The following LARP1 variants were observed in gnomAD, a reference collection of about 807,000 sequenced individuals.
LARP1 encodes the protein la-related protein 1.
In LARP1, 36 loss-of-function variants were observed where a neutral mutation model predicts 122.7. The ratio of observed to expected loss-of-function variants is 0.29; its 90% CI spans 0.22 to 0.39. The LOEUF (loss-of-function observed/expected upper bound fraction) is 0.39. LARP1 is among the 10% of genes least tolerant of loss of function. The pLI is 1.00. For missense variants in LARP1, 1,040 were observed against 1,403.6 expected, an observed-to-expected ratio of 0.74 and a Z score of 4.14; for synonymous variants, 539 against 528.7, an observed-to-expected ratio of 1.02 and a Z score of -0.27.
Position 154,811,236 on chromosome 5 carries a change from G to C in LARP1, c.2844-11G>C, listed in dbSNP as rs1759248486. On this transcript the variant is annotated splice_polypyrimidine_tract_variant and intron_variant, in intron 16 of 18. Transcript: ENST00000518297. Reference sequence around the variant, plus strand: ...GAAACTGCCCTGATTTCACTGACTTGTGTTCTACAGATATGGTTTGGAGTG... The same window carrying C: ...GAAACTGCCCTGATTTCACTGACTTCTGTTCTACAGATATGGTTTGGAGTG... The C allele has an allele frequency of 6.2e-7, 1 of 1,607,710 alleles. No individual in the cohort carries two copies. The highest frequency in any genetic ancestry group is 8.5e-7 in the Non-Finnish European group (1 of 1,174,374).
upstream of LARP1, among the ~76,000 whole-genome samples, chr5:154,709,944 AC>A: frequency 6.6e-6 from 1 of 152,110 alleles, no homozygotes; most frequent in East Asian, 1.9e-4. Context: ...CCTCAATTCT[AC>A]CCCAGATCAT....
chr5:154,784,298 C>A (rs1359009646), intron 1 of LARP1, among the ~76,000 whole-genome samples: 1 of 152,182 alleles, frequency 6.6e-6, no homozygotes, highest in Non-Finnish European at 1.5e-5. Flanking sequence ...GCCCATTTAA[C>A]ATTTACAATA....
intron 1 of LARP1, among the ~76,000 whole-genome samples, chr5:154,691,166 G>A (rs1754182545): frequency 6.6e-6 from 1 of 151,402 alleles, no homozygotes; most frequent in African/African-American, 2.4e-5. Flanking sequence ...GGAGGCTGAG[G>A]CAGGAGAATG....
chr5:154,717,271 T>C (rs938069207), intron 1 of LARP1, among the ~76,000 whole-genome samples: 1 of 152,102 alleles, frequency 6.6e-6, no homozygotes, highest in African/African-American at 2.4e-5. Context: ...TTCCCTACTA[T>C]TCTACCCAGC....
chr5:154,803,542 C>T lies in LARP1; in HGVS notation c.2236C>T (p.Pro746Ser). The T allele has an allele frequency of 6.2e-7, 1 of 1,614,170 alleles. No homozygotes were observed. The highest frequency in any genetic ancestry group is 8.5e-7 in the Non-Finnish European group (1 of 1,180,032). ...GACTCCTCTCTCTGCCTCTGCAGTT[C>T]CTACGGATGCCCTGGCCAACAAGTT... ...PPGPPRFQQV[P>S]TDALANKLFG... Residue 746 changes from proline (P) to serine (S), a missense_variant and splice_region_variant, in exon 13 of 19, where the codon CCT (proline) becomes TCT (serine). Physicochemically the swap from Pro to Ser is moderately conservative, Grantham distance 74. Transcript: ENST00000518297. The surrounding 1 kb of genome is among the most constrained non-coding windows in gnomAD (Gnocchi z 4.4).
intron 1 of LARP1, among the ~76,000 whole-genome samples, chr5:154,716,592 G>A (rs1003655671): frequency 6.6e-6 from 1 of 151,950 alleles, no homozygotes; most frequent in African/African-American, 2.4e-5. Flanking sequence ...GGGATTACAA[G>A]CATGCACCAC....
chr5:154,812,361 T>A (rs1759344134), intron 18 of LARP1, among the ~76,000 whole-genome samples: 1 of 152,156 alleles, frequency 6.6e-6, no homozygotes, highest in South Asian at 2.1e-4. Flanking sequence ...GGGTAATTTA[T>A]AAAGGAAAGA....
intron 1 of LARP1, among the ~76,000 whole-genome samples, chr5:154,694,831 T>G (rs1290511956): frequency 6.6e-6 from 1 of 152,062 alleles, no homozygotes; most frequent in Non-Finnish European, 1.5e-5. Context: ...TGTATAGGTA[T>G]TTGGTTTATT....
At chr5:154,804,458 C>T in intron 14 of LARP1, 151 bp downstream of exon 14, 1 of 648,814 alleles carries the variant, frequency 1.5e-6, no homozygotes, top group Non-Finnish European at 2.7e-6. Context: ...GAAAGCTCAG[C>T]CCAGGACCTG....
intron 15 of LARP1, among the ~76,000 whole-genome samples, chr5:154,807,633 C>T (rs1758891602): frequency 1.3e-5 from 2 of 152,192 alleles, no homozygotes; most frequent in African/African-American, 2.4e-5. Context: ...CCACTGCAGT[C>T]TCGAACTATT....
chr5:154,753,308 T>C (rs975991869), upstream of LARP1, among the ~76,000 whole-genome samples: 3 of 152,170 alleles, frequency 2.0e-5, no homozygotes, highest in African/African-American at 4.8e-5. Flanking sequence ...AAGCTGTGCA[T>C]GGTGGCACGT....
At chr5:154,734,614 C>T (rs1453959452) in intron 1 of LARP1, among the ~76,000 whole-genome samples, 2 of 151,702 alleles carry the variant, frequency 1.3e-5, no homozygotes, top group Admixed American at 1.3e-4. Flanking sequence ...GTAAAGGGGG[C>T]GTATACAGGC....
intron 1 of LARP1, among the ~76,000 whole-genome samples, chr5:154,764,392 G>A (rs895972604): frequency 2.0e-5 from 3 of 149,290 alleles, no homozygotes; most frequent in East Asian, 2.0e-4. Context: ...TCACTTGAGC[G>A]CAGGAGTTCA....
At chr5:154,698,186 C>T (rs1754556343) in intron 1 of LARP1, among the ~76,000 whole-genome samples, 4 of 152,186 alleles carry the variant, frequency 2.6e-5, no homozygotes, top group Non-Finnish European at 5.9e-5. Flanking sequence ...TATTTCAATA[C>T]ATATATACAA....
At chr5:154,792,039 T>C (rs539567311) in intron 3 of LARP1, 49 of 449,492 alleles carry the variant, frequency 1.1e-4, no homozygotes, top group African/African-American at 9.2e-4. Context: ...CCCCAGCCTG[T>C]GTTCTCCATC....
chr5:154,797,524 C>T (rs1252225254), intron 8 of LARP1, among the ~76,000 whole-genome samples: 4 of 151,876 alleles, frequency 2.6e-5, no homozygotes, highest in East Asian at 1.9e-4. Context: ...TGAGCTACCG[C>T]GCCCGGCCTG....
chr5:154,801,993 C>A lies in LARP1; in HGVS notation c.1717-14C>A. On this transcript the variant is annotated splice_polypyrimidine_tract_variant and intron_variant, in intron 10 of 18. Coordinates refer to ENST00000518297, the MANE Select transcript of LARP1 (RefSeq NM_033551.3). The stretch of plus-strand genomic sequence containing the variant: ...TCTGGTGATTCCTTTTCCCCTTCGT[C>A]TGTCCTATTTTAGAAGTCAGAGGAG... The A allele has an allele frequency of 6.3e-7, 1 of 1,594,798 alleles. No individual in the cohort carries two copies. The highest frequency in any genetic ancestry group is 1.1e-5 in the South Asian group (1 of 88,538).
intron 1 of LARP1, among the ~76,000 whole-genome samples, chr5:154,748,230 G>C (rs1031758702): frequency 3.9e-5 from 6 of 152,114 alleles, no homozygotes; most frequent in Admixed American, 1.3e-4. Flanking sequence ...TTTAGCACTT[G>C]GCCTTTGACA....
At chr5:154,791,831 A>T (rs531572963) in intron 3 of LARP1, 8 of 392,456 alleles carry the variant, frequency 2.0e-5, no homozygotes, top group Non-Finnish European at 4.3e-5. Flanking sequence ...GTATAAGTGG[A>T]CCCACACAGT....
Sources: allele counts gnomAD v4.1 joint callset (sites outside exome capture counted in the v4.1 genomes callset), GRCh38; gene constraint gnomAD v4.1.1; non-coding constraint Gnocchi (gnomAD v3.1); transcripts MANE v1.5; gene names NCBI Gene and HGNC (gene_info 2026-07-23, HGNC 2026-07-21).